SBNO1: variants seen among roughly 807,000 people sequenced by gnomAD.
SBNO1 encodes strawberry notch homolog 1.
SBNO1 carries 23 observed loss-of-function variants against 173.6 expected under a neutral mutation model. The observed-to-expected ratio is 0.13, with a 90% CI of 0.10 to 0.19. The LOEUF (loss-of-function observed/expected upper bound fraction) is 0.19, where lower values mean the gene tolerates loss of function less well. SBNO1 is among the 10% of genes least tolerant of loss of function. SBNO1 has a pLI of 1.00. For missense variants in SBNO1, 1,238 were observed against 1,671.2 expected, an observed-to-expected ratio of 0.74 and a Z score of 4.52; for synonymous variants, 632 against 571.5, an observed-to-expected ratio of 1.11 and a Z score of -1.51.
At chr12:123,297,009 T>A (rs1205859374) in intron 31 of SBNO1, among the ~76,000 whole-genome samples, 1 of 151,980 alleles carries the variant, frequency 6.6e-6, no homozygotes, top group African/African-American at 2.4e-5. Context: ...GGGCTGCTTT[T>A]GAAACTGGAA....
At chr12:123,303,996 G>A (rs915819063) in intron 29 of SBNO1, among the ~76,000 whole-genome samples, 2 of 126,462 alleles carry the variant, frequency 1.6e-5, no homozygotes, top group East Asian at 5.1e-4. Flanking sequence ...GTGCAATCTC[G>A]GCTTACTGCA....
intron 2 of SBNO1, among the ~76,000 whole-genome samples, chr12:123,348,673 G>A (rs1738648358): frequency 6.6e-6 from 1 of 152,210 alleles, no homozygotes; most frequent in African/African-American, 2.4e-5. Flanking sequence ...AGCTGAGGCA[G>A]GAGAATGGCG....
At chr12:123,301,827 TA>T (rs1480668872) in intron 30 of SBNO1, among the ~76,000 whole-genome samples, 1 of 152,102 alleles carries the variant, frequency 6.6e-6, no homozygotes, top group Non-Finnish European at 1.5e-5. Context: ...TGCAGTGAGC[TA>T]TGATTGCTGC....
intron 1 of SBNO1, among the ~76,000 whole-genome samples, chr12:123,363,664 G>A (rs1453289592): frequency 2.0e-5 from 3 of 152,140 alleles, no homozygotes; most frequent in Admixed American, 1.3e-4. Flanking sequence ...TAAAAACGTT[G>A]CTTTATTTGT....
chr12:123,321,277 C>G (rs192437017), intron 17 of SBNO1, among the ~76,000 whole-genome samples: 26 of 152,248 alleles, frequency 1.7e-4, no homozygotes, highest in Admixed American at 1.0e-3. Context: ...TTATCACCAC[C>G]TACATTGGTT....
At chr12:123,357,715 A>C (rs1874627295) in intron 1 of SBNO1, among the ~76,000 whole-genome samples, 1 of 152,206 alleles carries the variant, frequency 6.6e-6, no homozygotes, top group South Asian at 2.1e-4. Context: ...AGGTCGTGCC[A>C]CTGCACTCCA....
intron 24 of SBNO1, among the ~76,000 whole-genome samples, chr12:123,312,672 T>C (rs963575781): frequency 3.3e-5 from 5 of 150,692 alleles, no homozygotes; most frequent in South Asian, 2.1e-4. Flanking sequence ...GATCACACCA[T>C]TGCACTCCAG....
chr12:123,311,724 A>ATCTATCTATCTATCTATC (rs1354447042), intron 24 of SBNO1, among the ~76,000 whole-genome samples: 1 of 62,954 alleles, frequency 1.6e-5, no homozygotes, highest in South Asian at 6.1e-4. Context: ...ATCTATCTAT[A>ATCTATCTATCTATCTATC]TATATATATA....
rs1238942094 is a variant in SBNO1 at position 123,350,350 on chromosome 12, G to A, written c.92C>T (p.Ala31Val). ...NDLFDIDGGD[A>V]GLATPMPTPS... ...GGTAGGCATTGGAGTTGCAAGCCCT[G>A]CATCTCCACCATCAATATCAAAGAG... The change falls in exon 2 of 32, where the codon GCA (alanine) becomes GTA (valine). Residue 31 changes from alanine (A) to valine (V), a missense_variant. Ala to Val is a moderately conservative substitution (Grantham distance 64). Transcript: ENST00000602398. 1 of 1,613,858 alleles carries A rather than the reference G, an allele frequency of 6.2e-7. No homozygotes were observed. The highest frequency in any genetic ancestry group is 8.5e-7 in the Non-Finnish European group (1 of 1,179,916).
At chr12:123,348,837 G>C (rs1873535378) in intron 2 of SBNO1, among the ~76,000 whole-genome samples, 1 of 151,866 alleles carries the variant, frequency 6.6e-6, no homozygotes, top group Non-Finnish European at 1.5e-5. Context: ...GCGGCCCCCT[G>C]TAATCCCAGC....
intron 1 of SBNO1, among the ~76,000 whole-genome samples, chr12:123,361,995 C>T (rs1399514555): frequency 6.6e-6 from 1 of 150,440 alleles, no homozygotes; most frequent in Non-Finnish European, 1.5e-5. Flanking sequence ...GAAAATTAGC[C>T]GGGCATGGTG....
Position 123,330,488 on chromosome 12 carries a change from T to C in SBNO1, c.1065A>G (p.Leu355=), listed in dbSNP as rs1871085103. Residue 355 remains leucine (L), a synonymous_variant, in exon 9 of 32, where the codon TTA becomes TTG. Coordinates refer to ENST00000602398, the MANE Select transcript of SBNO1 (RefSeq NM_001167856.3). The part of the protein sequence containing the change: ...RALWFSVSND[L]KYDAERDLRD... ...TTAAATCTCTTTCAGCATCATACTTTAAGTCATTTGAAACACTAAACCTGC... is the reference window on the plus strand; with the variant it reads ...TTAAATCTCTTTCAGCATCATACTTCAAGTCATTTGAAACACTAAACCTGC... 3 of 1,600,360 alleles carry C rather than the reference T, an allele frequency of 1.9e-6. No homozygotes were observed. The highest frequency in any genetic ancestry group is 2.2e-5 in the South Asian group (2 of 89,260).
intron 6 of SBNO1, among the ~76,000 whole-genome samples, chr12:123,335,664 A>G (rs1871756469): frequency 6.6e-6 from 1 of 152,214 alleles, no homozygotes; most frequent in African/African-American, 2.4e-5. Flanking sequence ...GCAGCCATAG[A>G]TAATAAGTAA....
At chr12:123,322,098 A>G (rs1007106859) in intron 16 of SBNO1, among the ~76,000 whole-genome samples, 1 of 152,196 alleles carries the variant, frequency 6.6e-6, no homozygotes, top group Admixed American at 6.5e-5. Flanking sequence ...GTTTATAGAC[A>G]TGGAATACTT....
intron 1 of SBNO1, among the ~76,000 whole-genome samples, chr12:123,362,974 C>A (rs1875553335): frequency 6.6e-6 from 1 of 151,934 alleles, no homozygotes; most frequent in Non-Finnish European, 1.5e-5. Flanking sequence ...GTAGTCCCAG[C>A]TACTCCGGAG....
At chr12:123,348,220 T>C in intron 2 of SBNO1, 87 bp from the exon 3 acceptor site, 1 of 684,678 alleles carries the variant, frequency 1.5e-6, no homozygotes, top group Non-Finnish European at 2.5e-6. Flanking sequence ...TTAAAAAATA[T>C]CAAGTTTAAC....
At chr12:123,348,986 T>C (rs978868245) in intron 2 of SBNO1, 1 of 148,492 alleles carries the variant, frequency 6.7e-6, no homozygotes, top group Non-Finnish European at 1.5e-5. Flanking sequence ...TTTTAGTCTT[T>C]TTTTTTTTTT....
At chr12:123,298,873 C>T (rs553209279) in intron 30 of SBNO1, among the ~76,000 whole-genome samples, 1 of 151,770 alleles carries the variant, frequency 6.6e-6, no homozygotes, top group African/African-American at 2.4e-5. Flanking sequence ...GAGTATTGTT[C>T]GAGTTCAGGA....
chr12:123,312,544 T>G (rs1946654288), intron 24 of SBNO1, among the ~76,000 whole-genome samples: 1 of 151,736 alleles, frequency 6.6e-6, no homozygotes, highest in Non-Finnish European at 1.5e-5. Context: ...AAACCCCATC[T>G]CTATTGAAAA....
Sources: allele counts gnomAD v4.1 joint callset (sites outside exome capture counted in the v4.1 genomes callset), GRCh38; gene constraint gnomAD v4.1.1; transcripts MANE v1.5; gene names NCBI Gene and HGNC (gene_info 2026-07-23, HGNC 2026-07-21).